RTN3: variants seen among roughly 807,000 people sequenced by gnomAD.
RTN3 encodes the protein reticulon 3.
Under a neutral mutation model 77.8 loss-of-function variants are expected in RTN3, and 49 were observed. The observed-to-expected ratio is 0.63, with a 90% confidence interval of 0.50 to 0.80. The LOEUF (loss-of-function observed/expected upper bound fraction) is 0.80. Among genes scored for constraint, RTN3 ranks in the 30% least tolerant of loss-of-function variants. The probability of loss-of-function intolerance (pLI) is 0.00; values close to 1 mark genes in which losing one functional copy is unlikely to be tolerated. For missense variants in RTN3, 1,236 were observed against 1,211.9 expected (o/e 1.02, Z -0.29); for synonymous variants, 464 against 446.9 (o/e 1.04, Z -0.48).
chr11:63,748,471 C>A (rs2013921747), intron 3 of RTN3, among the ~76,000 whole-genome samples: 1 of 151,188 alleles, frequency 6.6e-6, no homozygotes, highest in Non-Finnish European at 1.5e-5. Context: ...GCCTCAGCCT[C>A]CCGAGTAGCT....
At chr11:63,688,629 CT>C (rs1046388342) in intron 1 of RTN3, among the ~76,000 whole-genome samples, 2 of 152,132 alleles carry the variant, frequency 1.3e-5, no homozygotes, top group Admixed American at 1.3e-4. Flanking sequence ...TAGGTGCACC[CT>C]TACCCTAAAT....
chr11:63,731,650 A>G (rs1590856944), intron 3 of RTN3, among the ~76,000 whole-genome samples: 1 of 150,038 alleles, frequency 6.7e-6, no homozygotes, highest in Middle Eastern at 3.4e-3. Flanking sequence ...AGCTTTATTT[A>G]TTTTTTATTT....
intron 3 of RTN3, among the ~76,000 whole-genome samples, chr11:63,732,718 A>T (rs2012782505): frequency 6.6e-6 from 1 of 152,184 alleles, no homozygotes; most frequent in South Asian, 2.1e-4. Context: ...CCACAAAGAA[A>T]ATTCCAGGCC....
intron 3 of RTN3, among the ~76,000 whole-genome samples, chr11:63,748,812 C>G (rs752618645): frequency 3.3e-5 from 5 of 151,716 alleles, no homozygotes; most frequent in Non-Finnish European, 7.4e-5. Flanking sequence ...GGACTACAGG[C>G]ACATACCACC....
intron 3 of RTN3, among the ~76,000 whole-genome samples, chr11:63,744,266 A>AG (rs58434220): frequency 6.7e-6 from 1 of 148,588 alleles, no homozygotes; most frequent in Admixed American, 6.7e-5. Flanking sequence ...AAAAAAAAAA[A>AG]GTGGGAAAGG....
intron 3 of RTN3, among the ~76,000 whole-genome samples, chr11:63,733,198 A>G (rs2012818208): frequency 6.6e-6 from 1 of 152,128 alleles, no homozygotes; most frequent in Non-Finnish European, 1.5e-5. Context: ...TCACGCCTGT[A>G]ATCCCAGCAC....
chr11:63,707,178 C>T (rs1304010168), intron 2 of RTN3, among the ~76,000 whole-genome samples: 2 of 152,206 alleles, frequency 1.3e-5, no homozygotes, highest in Admixed American at 6.5e-5. Flanking sequence ...GCATTACAGG[C>T]ATGAGTCACG....
At chr11:63,738,519 G>A (rs2013275442) in intron 3 of RTN3, among the ~76,000 whole-genome samples, 1 of 151,668 alleles carries the variant, frequency 6.6e-6, no homozygotes, top group Admixed American at 6.6e-5. Context: ...GCATGTACCT[G>A]TAGTCCCATC....
chr11:63,759,457 T>G lies in RTN3; in HGVS notation c.*1256T>G, dbSNP rs1306938799. ...AATTGTCTACGTGTCTTGGAAAAAT[T>G]AGTTAGGAATTTGGATGGGTAAAAG... On this transcript the variant is annotated 3_prime_UTR_variant, in exon 9 of 9. Coordinates refer to ENST00000377819, the MANE Select transcript of RTN3 (RefSeq NM_001265589.2). 1.3e-5 allele frequency: 2 copies of G among 152,428 alleles called. No individual in the cohort carries two copies. The highest frequency in any genetic ancestry group is 3.9e-4 in the East Asian group (2 of 5,194). 9.4% of individuals were successfully genotyped at this position (152,428 alleles called of 1,614,324 possible). A position where few individuals can be genotyped will look rare whatever the true frequency, so the allele number is the denominator to read the frequency against.
chr11:63,727,315 A>G (rs1380028249), intron 3 of RTN3, among the ~76,000 whole-genome samples: 1 of 152,254 alleles, frequency 6.6e-6, no homozygotes, highest in Non-Finnish European at 1.5e-5. Context: ...CCAAGAAATT[A>G]TAACTCAGTC....
chr11:63,730,343 G>GTATGCCATGCA (rs1490194401), intron 3 of RTN3, among the ~76,000 whole-genome samples: 10 of 152,200 alleles, frequency 6.6e-5, no homozygotes, highest in Non-Finnish European at 1.2e-4. Context: ...ATTTATAAAT[G>GTATGCCATGCA]TATGCCATGC....
intron 1 of RTN3, among the ~76,000 whole-genome samples, chr11:63,686,830 T>TA (rs963111637): frequency 4.0e-5 from 6 of 151,472 alleles, no homozygotes; most frequent in East Asian, 1.9e-4. Flanking sequence ...GAACTTGTCT[T>TA]AAAAAAAAGA....
chr11:63,732,160 T>G (rs1436176249), intron 3 of RTN3, among the ~76,000 whole-genome samples: 1 of 151,992 alleles, frequency 6.6e-6, no homozygotes, highest in Non-Finnish European at 1.5e-5. Context: ...TCAACAAAAT[T>G]ATTTTTTATT....
At chr11:63,751,816 A>C (rs1416961859) in intron 4 of RTN3, among the ~76,000 whole-genome samples, 1 of 152,018 alleles carries the variant, frequency 6.6e-6, no homozygotes, top group African/African-American at 2.4e-5. Context: ...ACATGGTGAA[A>C]CCTCGTCTTT....
Position 63,756,095 on chromosome 11 carries a change from A to T in RTN3, c.2995-17A>T. ...TCTGTATGTTACCACAACTGAATTT[A>T]TTTTCCTTCCTTAAAGACCCAGATT... On this transcript the variant is annotated splice_polypyrimidine_tract_variant and intron_variant, in intron 7 of 8. Transcript: ENST00000377819. 1.2e-6 allele frequency: 2 copies of T among 1,600,040 alleles called. No individual in the cohort carries two copies. Among genetic ancestry groups the T allele is most frequent in the Non-Finnish European group, 1.7e-6 (2 of 1,167,362 alleles).
chr11:63,723,138 T>C (rs896310091), intron 3 of RTN3, among the ~76,000 whole-genome samples: 5 of 152,246 alleles, frequency 3.3e-5, no homozygotes, highest in African/African-American at 1.2e-4. Context: ...TAATCTAGCG[T>C]GAGAGATGTA....
chr11:63,689,649 A>G (rs1590776759), intron 1 of RTN3, among the ~76,000 whole-genome samples: 1 of 151,838 alleles, frequency 6.6e-6, no homozygotes, highest in African/African-American at 2.4e-5. Flanking sequence ...TCTCCAATCA[A>G]CTGATTTATT....
chr11:63,739,165 T>C (rs2013320151), intron 3 of RTN3, among the ~76,000 whole-genome samples: 1 of 152,166 alleles, frequency 6.6e-6, no homozygotes, highest in Non-Finnish European at 1.5e-5. Flanking sequence ...GTCAGATGTT[T>C]CATCTGTCAT....
At chr11:63,721,668 G>A (rs1330446401) in intron 3 of RTN3, among the ~76,000 whole-genome samples, 1 of 151,822 alleles carries the variant, frequency 6.6e-6, no homozygotes, top group African/African-American at 2.4e-5. Flanking sequence ...GTGATATTAG[G>A]TGAGAATCTA....
Sources: allele counts gnomAD v4.1 joint callset (sites outside exome capture counted in the v4.1 genomes callset), GRCh38; gene constraint gnomAD v4.1.1; transcripts MANE v1.5; gene names NCBI Gene and HGNC (gene_info 2026-07-23, HGNC 2026-07-21).